Variants in RNF217 observed in about 807,000 individuals in gnomAD.
The protein encoded by RNF217 is ring finger protein 217.
A neutral mutation model predicts 57.8 loss-of-function variants in RNF217; 31 were observed. The ratio of observed to expected loss-of-function variants is 0.54; its 90% CI spans 0.40 to 0.72. The LOEUF is 0.72. RNF217 is among the 30% of genes least tolerant of loss of function. RNF217 has a pLI of 0.00. For synonymous variants in RNF217, 313 were observed against 294.0 expected, an observed-to-expected ratio of 1.06 and a Z score of -0.66; for missense variants, 696 against 708.3, an observed-to-expected ratio of 0.98 and a Z score of 0.20.
At chr6:125,017,004 G>C (rs190097414) in intron 1 of RNF217, among the ~76,000 whole-genome samples, 35 of 152,138 alleles carry the variant, frequency 2.3e-4, no homozygotes, top group African/African-American at 8.4e-4. Flanking sequence ...GGGATACTAC[G>C]TAGCCATGAA....
chr6:124,972,858 A>C (rs548809311), intron 1 of RNF217, among the ~76,000 whole-genome samples: 1 of 152,278 alleles, frequency 6.6e-6, no homozygotes, highest in Non-Finnish European at 1.5e-5. Flanking sequence ...CTATATAGGA[A>C]TCTTCTATAC....
intron 3 of RNF217, among the ~76,000 whole-genome samples, chr6:125,060,780 G>T (rs1472357188): frequency 6.6e-6 from 1 of 152,120 alleles, no homozygotes; most frequent in Non-Finnish European, 1.5e-5. Context: ...TTATCAAGGT[G>T]ATATAACATC....
chr6:125,077,713 A>G (rs1344863375), intron 4 of RNF217, among the ~76,000 whole-genome samples: 1 of 152,110 alleles, frequency 6.6e-6, no homozygotes, highest in Non-Finnish European at 1.5e-5. Flanking sequence ...TTTTCATCAC[A>G]TGGATGTCTG....
chr6:125,046,666 GT>G, intron 2 of RNF217: 1 of 455,946 alleles, frequency 2.2e-6, no homozygotes, highest in East Asian at 7.0e-5. Context: ...TTTAAGGTAA[GT>G]TTCTGGTCAT....
chr6:125,000,204 A>G (rs1386188743), intron 1 of RNF217, among the ~76,000 whole-genome samples: 1 of 152,086 alleles, frequency 6.6e-6, no homozygotes, highest in Non-Finnish European at 1.5e-5. Context: ...TCGTACCATT[A>G]TTTTGAATTT....
intron 1 of RNF217, among the ~76,000 whole-genome samples, chr6:125,011,932 A>AT (rs1299658819): frequency 6.6e-6 from 1 of 152,040 alleles, no homozygotes; most frequent in Non-Finnish European, 1.5e-5. Flanking sequence ...TATGCATTTT[A>AT]GTGTGATTTG....
intron 3 of RNF217, among the ~76,000 whole-genome samples, chr6:125,058,867 C>A (rs1249138650): frequency 6.6e-6 from 1 of 152,008 alleles, no homozygotes; most frequent in Non-Finnish European, 1.5e-5. Context: ...GTGTGTGTAC[C>A]CTTTGCCTTA....
intron 3 of RNF217, among the ~76,000 whole-genome samples, chr6:125,059,865 T>C (rs1048809871): frequency 2.6e-5 from 4 of 152,138 alleles, no homozygotes; most frequent in African/African-American, 7.2e-5. Context: ...ACCTTTTAAA[T>C]AGCTGAAAGG....
intron 1 of RNF217, among the ~76,000 whole-genome samples, chr6:125,037,829 G>C (rs1786704194): frequency 1.3e-5 from 2 of 152,084 alleles, no homozygotes; most frequent in South Asian, 4.1e-4. Flanking sequence ...TTTCAAAACA[G>C]AGGAAATATG....
intron 1 of RNF217, among the ~76,000 whole-genome samples, chr6:124,976,279 C>T (rs2115001883): frequency 1.5e-5 from 1 of 65,348 alleles, no homozygotes; most frequent in Middle Eastern, 6.9e-3. Context: ...CCCTCCCGCT[C>T]TCTCTCCTTT....
intron 1 of RNF217, among the ~76,000 whole-genome samples, chr6:125,002,821 A>G (rs748258167): frequency 2.6e-5 from 4 of 152,114 alleles, no homozygotes; most frequent in Non-Finnish European, 4.4e-5. Flanking sequence ...ATTTGGTTCT[A>G]TTATAGCTAG....
At chr6:125,061,283 C>T (rs1477529087) in intron 3 of RNF217, among the ~76,000 whole-genome samples, 1 of 151,686 alleles carries the variant, frequency 6.6e-6, no homozygotes. Context: ...TTTATAATTC[C>T]ACCTAGAAAG....
At chr6:124,991,199 C>T (rs915667317) in intron 1 of RNF217, among the ~76,000 whole-genome samples, 1 of 152,170 alleles carries the variant, frequency 6.6e-6, no homozygotes, top group East Asian at 1.9e-4. Flanking sequence ...CCTTTCTGAC[C>T]TCTCTGACTC....
In RNF217 at chr6:125,085,338, T is replaced by C. The variant is rs150066492; in HGVS notation, c.*2401T>C. 3 of 152,032 alleles carry C rather than the reference T, an allele frequency of 2.0e-5. No homozygotes were observed. Among genetic ancestry groups the C allele is most frequent in the African/African-American group, 7.2e-5 (3 of 41,544 alleles). 9.4% of individuals were successfully genotyped at this position (152,032 alleles called of 1,614,324 possible). ...GTGTTGCACAGGTTTTTCATTTTTC[T>C]ATTGAGTAGATATTTTTAAATTAAC... is the stretch of plus-strand genomic sequence containing the variant. On this transcript the variant is annotated 3_prime_UTR_variant, in exon 6 of 6. Coordinates refer to ENST00000521654, the MANE Select transcript of RNF217 (RefSeq NM_001286398.3).
chr6:124,981,464 T>TG (rs1036448383), intron 1 of RNF217, among the ~76,000 whole-genome samples: 6 of 152,084 alleles, frequency 3.9e-5, no homozygotes, highest in Non-Finnish European at 8.8e-5. Context: ...TTGGTTTGGT[T>TG]GGGGGGGCGG....
intron 3 of RNF217, among the ~76,000 whole-genome samples, chr6:125,069,151 C>T (rs1226335321): frequency 6.6e-6 from 1 of 152,100 alleles, no homozygotes; most frequent in Non-Finnish European, 1.5e-5. Flanking sequence ...TAAGACTTAA[C>T]TTGAAACATG....
intron 2 of RNF217, among the ~76,000 whole-genome samples, 173 bp from the exon 3 acceptor site, chr6:125,057,769 A>G (rs11154289): frequency 0.32 from 49,125 of 152,034 alleles, 8,713 homozygotes; most frequent in Non-Finnish European, 0.41. Flanking sequence ...TGCCAAAGCA[A>G]TTCTTTCCTG....
chr6:125,020,441 C>A (rs191428350), intron 1 of RNF217, among the ~76,000 whole-genome samples: 3 of 152,140 alleles, frequency 2.0e-5, no homozygotes, highest in African/African-American at 7.2e-5. Context: ...TTCACAAGTC[C>A]GCCTAGTTTT....
intron 2 of RNF217, among the ~76,000 whole-genome samples, chr6:125,049,271 A>G (rs1044056728): frequency 2.6e-5 from 4 of 152,062 alleles, no homozygotes; most frequent in African/African-American, 9.7e-5. Context: ...CACCATAGCA[A>G]TTATCACCTG....
Sources: allele counts gnomAD v4.1 joint callset (sites outside exome capture counted in the v4.1 genomes callset), GRCh38; gene constraint gnomAD v4.1.1; transcripts MANE v1.5; gene names NCBI Gene and HGNC (gene_info 2026-07-23, HGNC 2026-07-21).